Variants in AOPEP observed in about 807,000 individuals in gnomAD.
AOPEP encodes the protein aminopeptidase O.
In AOPEP, 77 loss-of-function variants were observed where a neutral mutation model predicts 98.1. That is an observed-to-expected ratio of 0.78 (90% CI 0.65 to 0.95). The LOEUF (loss-of-function observed/expected upper bound fraction) is 0.95, where lower values mean the gene tolerates loss of function less well. AOPEP is among the 40% of genes least tolerant of loss of function. The pLI is 0.00. For synonymous variants in AOPEP, 346 were observed against 365.3 expected, an observed-to-expected ratio of 0.95 and a Z score of 0.60; for missense variants, 1,024 against 1,024.7, an observed-to-expected ratio of 1.00 and a Z score of 0.01.
intron 11 of AOPEP, among the ~76,000 whole-genome samples, chr9:95,002,208 A>G (rs541041674): frequency 5.3e-4 from 80 of 152,330 alleles, no homozygotes; most frequent in African/African-American, 1.6e-3. Context: ...TTAGAAAGAT[A>G]TTCATTTTAA....
chr9:95,019,853 T>TATA (rs1359999971), intron 13 of AOPEP: 1 of 152,176 alleles, frequency 6.6e-6, no homozygotes, highest in Non-Finnish European at 1.5e-5. Flanking sequence ...ACCGGAAGAT[T>TATA]ATAACCCAAG....
rs773853493 is a variant in AOPEP, at chr9:95,082,714, A to G, written c.2459A>G (p.Ter820=). The change falls in exon 16 of 17, where the codon TAA becomes TGA. Residue 820 remains the stop codon, a stop_retained_variant. Transcript: ENST00000375315. ...CAGGTGGTGGCCGAAATGTTATTTT[A>G]ACGAGGTGATTCTCTCCCTTTCCTT... ...SAQVVAEMLF[*] 99 of 1,614,048 alleles carry G rather than the reference A, an allele frequency of 6.1e-5. No homozygotes were observed. The highest frequency in any genetic ancestry group is 8.1e-5 in the Non-Finnish European group (96 of 1,180,028).
the AOPEP span, among the ~76,000 whole-genome samples, chr9:95,092,759 CAT>C: frequency 2.0e-5 from 3 of 152,152 alleles, no homozygotes; most frequent in African/African-American, 7.2e-5. Context: ...TTTCTGCTCT[CAT>C]AGTCCTCCCT....
At chr9:95,135,233 A>C in the AOPEP span, 3 of 1,031,128 alleles carry the variant, frequency 2.9e-6, no homozygotes, top group Middle Eastern at 6.0e-4. Flanking sequence ...ATTATATATA[A>C]AGGTTCCAAT....
chr9:94,945,342 C>T (rs2057500778), intron 7 of AOPEP, among the ~76,000 whole-genome samples: 1 of 152,150 alleles, frequency 6.6e-6, no homozygotes, highest in Non-Finnish European at 1.5e-5. Context: ...TGTTCCGTTA[C>T]TAACCATCAA....
At position 94,752,484 on chromosome 9, in the gene AOPEP, A is replaced by G. The variant is rs1198957778; in HGVS notation, c.-135-7165A>G. ...TATCAGCAAAAAGATATGCCAGGTT[A>G]CAGTGGAATCTTGTATTCAAAGTGT... On this transcript the variant is annotated intron_variant, in intron 1 of 16. Transcript: ENST00000375315. Among the ~76,000 whole-genome samples, 4 of 152,210 alleles carry G rather than the reference A, an allele frequency of 2.6e-5. No homozygotes were observed. In the East Asian group the frequency reaches 7.7e-4, roughly 29 times the overall value.
At chr9:94,847,906 T>G (rs1044926506) in intron 5 of AOPEP, among the ~76,000 whole-genome samples, 1 of 152,222 alleles carries the variant, frequency 6.6e-6, no homozygotes, top group African/African-American at 2.4e-5. Context: ...TCTAGTTCTT[T>G]ACTTGGTCCT....
chr9:94,946,564 A>G (rs950397586), intron 7 of AOPEP, among the ~76,000 whole-genome samples: 8 of 152,214 alleles, frequency 5.3e-5, no homozygotes, highest in Admixed American at 3.9e-4. Flanking sequence ...GGCCCTTCTC[A>G]GATTTGGCTG....
At chr9:95,091,631 C>G (rs552095984), downstream of AOPEP, among the ~76,000 whole-genome samples, 90 of 152,264 alleles carry the variant, frequency 5.9e-4, 1 homozygote, top group African/African-American at 2.0e-3. Context: ...GCTGCTTGGG[C>G]TCTGGAGATT....
At chr9:94,770,005 T>C (rs77994124) in intron 2 of AOPEP, among the ~76,000 whole-genome samples, 1,764 of 152,354 alleles carry the variant, frequency 0.012, 33 homozygotes, top group African/African-American at 0.04. Flanking sequence ...CAAATATGCC[T>C]ACAATATCTA....
intron 5 of AOPEP, among the ~76,000 whole-genome samples, chr9:94,846,770 G>A (rs148884524): frequency 6.6e-6 from 1 of 152,262 alleles, no homozygotes; most frequent in African/African-American, 2.4e-5. Flanking sequence ...GTTAGCTTGC[G>A]ATGGTGGTGT....
At chr9:95,047,218 T>C (rs7048786) in intron 13 of AOPEP, among the ~76,000 whole-genome samples, 119,308 of 152,132 alleles carry the variant, frequency 0.78, 48,307 homozygotes, top group Non-Finnish European at 0.89. Context: ...TTGAAAAATA[T>C]ACAGTTTGAA....
intron 13 of AOPEP, among the ~76,000 whole-genome samples, chr9:95,040,034 C>T (rs1406785963): frequency 6.6e-6 from 1 of 152,212 alleles, no homozygotes; most frequent in Non-Finnish European, 1.5e-5. Flanking sequence ...AGCTCAGAGG[C>T]ACAGGCCTCA....
chr9:95,109,544 T>C, the AOPEP span: 2 of 152,138 alleles, frequency 1.3e-5, no homozygotes, highest in African/African-American at 4.8e-5. Flanking sequence ...TCTGATTCAG[T>C]TGTTGGCAAA....
rs542836043 is a variant in AOPEP at position 94,819,738 on chromosome 9, AT to A, written c.1364+18750del. Among the ~76,000 whole-genome samples, 248 of 143,330 alleles carry A rather than the reference AT, an allele frequency of 1.7e-3. 2 individuals carry two copies. Among genetic ancestry groups the A allele is most frequent in the Admixed American group, 4.7e-3 (68 of 14,348 alleles). 94.0% of individuals were successfully genotyped at this position (143,330 alleles called of 152,430 possible). A position where few individuals can be genotyped will look rare whatever the true frequency, so the allele number is the denominator to read the frequency against. ...GGCATGTGCCACCATGCCTGGCTAA[AT>A]TTTTTTTTTTTTTCATAGAGACGGG... On this transcript the variant is annotated intron_variant, in intron 5 of 16. Transcript: ENST00000375315.
the AOPEP span, among the ~76,000 whole-genome samples, chr9:95,131,707 A>G: frequency 6.6e-6 from 1 of 152,232 alleles, no homozygotes; most frequent in Admixed American, 6.5e-5. Context: ...AAAAGACTGA[A>G]AAAGCAGGAA....
the AOPEP span, chr9:95,101,703 C>T: frequency 1.9e-6 from 3 of 1,613,678 alleles, no homozygotes; most frequent in African/African-American, 4.0e-5. Context: ...GGCCTGCGTG[C>T]CTTCTAGACT....
chr9:94,793,240 C>T (rs534592458), intron 4 of AOPEP, among the ~76,000 whole-genome samples: 9 of 151,760 alleles, frequency 5.9e-5, no homozygotes, highest in Admixed American at 3.3e-4. Context: ...CCCAGCGACT[C>T]GGGAGGCTGA....
intron 16 of AOPEP, chr9:95,085,588 G>T (rs778386521): frequency 1.6e-5 from 7 of 437,042 alleles, no homozygotes; most frequent in African/African-American, 1.2e-4. Context: ...GGCCGTTGCT[G>T]ACGGGCCGGC....
Sources: gnomAD v4.1 joint callset for allele counts (sites outside exome capture counted in the v4.1 genomes callset) on GRCh38, gnomAD v4.1.1 for gene constraint, MANE v1.5 for transcripts, NCBI Gene and HGNC (gene_info 2026-07-23, HGNC 2026-07-21) for gene names.